FLT1: variants seen among roughly 807,000 people sequenced by gnomAD.
The protein encoded by FLT1 is fms related receptor tyrosine kinase 1.
In FLT1, 49 loss-of-function variants were observed where a neutral mutation model predicts 156.3. That is an observed-to-expected ratio of 0.31 (90% CI 0.25 to 0.40). FLT1 has a LOEUF of 0.40. Ranked by LOEUF, FLT1 falls within the 10% of genes least tolerant of loss-of-function variation. The pLI is 1.00. For missense variants in FLT1, 1,322 were observed against 1,637.2 expected, an observed-to-expected ratio of 0.81 and a Z score of 3.32; for synonymous variants, 594 against 583.8, an observed-to-expected ratio of 1.02 and a Z score of -0.25.
At chr13:28,386,256 G>A (rs1329234128) in intron 13 of FLT1, 5 of 1,051,140 alleles carry the variant, frequency 4.8e-6, no homozygotes, top group African/African-American at 1.7e-5. Context: ...TTTGAGTCCT[G>A]CAGGGCAACT....
At chr13:28,433,734 G>C in intron 6 of FLT1, 85 bp downstream of exon 6, 1 of 1,336,490 alleles carries the variant, frequency 7.5e-7, no homozygotes, top group Non-Finnish European at 1.1e-6. Context: ...AGGATTTTCT[G>C]ATTTTTCCCA....
At chr13:28,465,174 C>T (rs1211535321) in intron 3 of FLT1, among the ~76,000 whole-genome samples, 2 of 152,166 alleles carry the variant, frequency 1.3e-5, no homozygotes, top group Non-Finnish European at 2.9e-5. Flanking sequence ...CCTTCTCTAC[C>T]CTTCCTCATT....
chr13:28,391,098 G>A (rs767806359), intron 12 of FLT1, among the ~76,000 whole-genome samples: 135 of 152,202 alleles, frequency 8.9e-4, no homozygotes, highest in African/African-American at 2.8e-3. Context: ...CTGAAAATGC[G>A]GACAACTAAT....
At chr13:28,489,919 G>C (rs763795140) in intron 1 of FLT1, among the ~76,000 whole-genome samples, 1 of 152,154 alleles carries the variant, frequency 6.6e-6, no homozygotes, top group African/African-American at 2.4e-5. Context: ...CCTTATGTGC[G>C]TTAAGAAAAT....
intron 15 of FLT1, among the ~76,000 whole-genome samples, chr13:28,348,357 A>G (rs756966977): frequency 4.6e-5 from 7 of 152,158 alleles, no homozygotes; most frequent in Non-Finnish European, 8.8e-5. Flanking sequence ...TAAATCCTTT[A>G]TGCCCAACCT....
intron 1 of FLT1, among the ~76,000 whole-genome samples, chr13:28,483,110 T>G (rs536620944): frequency 6.6e-6 from 1 of 152,272 alleles, no homozygotes; most frequent in Non-Finnish European, 1.5e-5. Flanking sequence ...CCATAAAAAT[T>G]TTCAAAGAAC....
intron 13 of FLT1, chr13:28,387,438 T>C: frequency 9.5e-7 from 1 of 1,057,250 alleles, no homozygotes; most frequent in South Asian, 4.6e-5. Flanking sequence ...TTGATGGAAG[T>C]AGGTAGTGGC....
chr13:28,440,262 T>C (rs1176098454), intron 3 of FLT1, among the ~76,000 whole-genome samples: 1 of 152,204 alleles, frequency 6.6e-6, no homozygotes, highest in Non-Finnish European at 1.5e-5. Flanking sequence ...CTGTCTCATG[T>C]GTACTGAATG....
chr13:28,370,945 C>T (rs1458493578), intron 14 of FLT1, among the ~76,000 whole-genome samples: 2 of 152,160 alleles, frequency 1.3e-5, no homozygotes, highest in Non-Finnish European at 2.9e-5. Context: ...TACTATTGCA[C>T]TCCATAAGAA....
chr13:28,472,181 C>T (rs752952568), intron 1 of FLT1, among the ~76,000 whole-genome samples: 19 of 152,312 alleles, frequency 1.2e-4, no homozygotes, highest in Middle Eastern at 3.4e-3. Context: ...AAAGCCTATA[C>T]GTAGAGTGTT....
intron 10 of FLT1, among the ~76,000 whole-genome samples, chr13:28,406,425 C>CA (rs1172806944): frequency 3.9e-5 from 6 of 152,148 alleles, no homozygotes; most frequent in Non-Finnish European, 7.4e-5. Flanking sequence ...TTCAAGCTCT[C>CA]AGGCCTCAAG....
At chr13:28,368,254 G>T in intron 14 of FLT1, 1 of 327,650 alleles carries the variant, frequency 3.1e-6, no homozygotes, top group Non-Finnish European at 5.2e-6. Context: ...CTGGGTTCAA[G>T]TGATTCTCCT....
At chr13:28,338,752 G>A (rs1185940565) in intron 17 of FLT1, among the ~76,000 whole-genome samples, 1 of 152,080 alleles carries the variant, frequency 6.6e-6, no homozygotes, top group East Asian at 1.9e-4. Context: ...ATTATGTTCT[G>A]GATCACATAT....
intron 3 of FLT1, among the ~76,000 whole-genome samples, chr13:28,458,720 G>A (rs1879402930): frequency 6.6e-6 from 1 of 152,312 alleles, no homozygotes; most frequent in South Asian, 2.1e-4. Flanking sequence ...ACATGTCAGG[G>A]CTTAAAGATA....
At chr13:28,430,249 T>C in intron 7 of FLT1, 82 bp from the exon 8 acceptor site, 2 of 925,502 alleles carry the variant, frequency 2.2e-6, no homozygotes, top group South Asian at 2.7e-5. Context: ...AGGGAGGGTG[T>C]AATCAATGAG....
At chr13:28,326,497 T>A (rs993059829) in intron 20 of FLT1, among the ~76,000 whole-genome samples, 6 of 148,150 alleles carry the variant, frequency 4.0e-5, no homozygotes, top group African/African-American at 1.5e-4. Context: ...TTATTTCTCC[T>A]CCATTCAATA....
At chr13:28,472,863 G>C (rs1448197691) in intron 1 of FLT1, among the ~76,000 whole-genome samples, 1 of 152,114 alleles carries the variant, frequency 6.6e-6, no homozygotes, top group Non-Finnish European at 1.5e-5. Flanking sequence ...TGATAACAAT[G>C]TATAAGTTAG....
At chr13:28,461,616 A>G (rs1879583689) in intron 3 of FLT1, among the ~76,000 whole-genome samples, 9 of 152,340 alleles carry the variant, frequency 5.9e-5, no homozygotes, top group Middle Eastern at 3.4e-3. Context: ...TATCTCAAAA[A>G]ATAAAAGTAA....
chr13:28,364,263 A>T (rs2137419138), intron 14 of FLT1, among the ~76,000 whole-genome samples: 1 of 152,284 alleles, frequency 6.6e-6, no homozygotes, highest in East Asian at 1.9e-4. Flanking sequence ...CCCAGGCTGG[A>T]CTGCAGTGGC....
Sources: gnomAD v4.1 joint callset for allele counts (sites outside exome capture counted in the v4.1 genomes callset) on GRCh38, gnomAD v4.1.1 for gene constraint, MANE v1.5 for transcripts, NCBI Gene and HGNC (gene_info 2026-07-23, HGNC 2026-07-21) for gene names.